Variants in SLC24A2 observed in about 807,000 individuals in gnomAD.
SLC24A2 encodes sodium/potassium/calcium exchanger 2.
A neutral mutation model predicts 62.0 loss-of-function variants in SLC24A2; 36 were observed. That is an observed-to-expected ratio of 0.58 (90% CI 0.44 to 0.77). SLC24A2 has a LOEUF of 0.77. Ranked by LOEUF, SLC24A2 falls within the 30% of genes least tolerant of loss-of-function variation. The probability of loss-of-function intolerance (pLI) is 0.00; values close to 1 mark genes in which losing one functional copy is unlikely to be tolerated. For missense variants in SLC24A2, 846 were observed against 817.9 expected, an observed-to-expected ratio of 1.03 and a Z score of -0.42; for synonymous variants, 358 against 294.0, an observed-to-expected ratio of 1.22 and a Z score of -2.23.
At chr9:19,717,308 G>C (rs1294976221) in intron 2 of SLC24A2, among the ~76,000 whole-genome samples, 1 of 152,206 alleles carries the variant, frequency 6.6e-6, no homozygotes, top group Non-Finnish European at 1.5e-5. Flanking sequence ...ATCACAAAGA[G>C]AGATACACTA....
intron 2 of SLC24A2, among the ~76,000 whole-genome samples, chr9:19,714,329 A>G (rs1277982402): frequency 6.6e-6 from 1 of 152,236 alleles, no homozygotes; most frequent in African/African-American, 2.4e-5. Context: ...GCACTCGCAG[A>G]ACCATAAAGG....
intron 2 of SLC24A2, among the ~76,000 whole-genome samples, chr9:19,690,600 C>T (rs1300088735): frequency 2.0e-5 from 3 of 152,168 alleles, no homozygotes; most frequent in Admixed American, 1.3e-4. Flanking sequence ...AGAAGACACA[C>T]AGAAAGAGGT....
At chr9:19,987,962 A>G in the SLC24A2 span, among the ~76,000 whole-genome samples, 1 of 152,212 alleles carries the variant, frequency 6.6e-6, no homozygotes, top group African/African-American at 2.4e-5. Flanking sequence ...AGAAATGTCA[A>G]TTGCATTGAA....
At chr9:20,236,270 G>A in the SLC24A2 span, among the ~76,000 whole-genome samples, 1 of 152,208 alleles carries the variant, frequency 6.6e-6, no homozygotes, top group South Asian at 2.1e-4. Flanking sequence ...ATGGCACCCT[G>A]ACAGGTAAGC....
chr9:20,223,583 TA>T, the SLC24A2 span, among the ~76,000 whole-genome samples: 1 of 152,280 alleles, frequency 6.6e-6, no homozygotes, highest in Admixed American at 6.5e-5. Flanking sequence ...TAATTTATCA[TA>T]AAGCTTAGCA....
At chr9:20,249,161 T>A in the SLC24A2 span, among the ~76,000 whole-genome samples, 1 of 152,194 alleles carries the variant, frequency 6.6e-6, no homozygotes, top group Admixed American at 6.5e-5. Flanking sequence ...GATAAAAACA[T>A]GGATGATAAA....
At chr9:19,842,796 T>C in the SLC24A2 span, among the ~76,000 whole-genome samples, 2 of 152,224 alleles carry the variant, frequency 1.3e-5, no homozygotes, top group Non-Finnish European at 2.9e-5. Context: ...AGTCCCCCTC[T>C]AAAATTTCTG....
chr9:19,527,944 C>A (rs1026124264), intron 9 of SLC24A2, 105 bp downstream of exon 9: 1 of 753,992 alleles, frequency 1.3e-6, no homozygotes, highest in Non-Finnish European at 2.3e-6. Flanking sequence ...TGTGTCACAC[C>A]CAATACTGTT....
chr9:20,181,580 G>A, the SLC24A2 span, among the ~76,000 whole-genome samples: 57,410 of 152,082 alleles, frequency 0.38, 12,039 homozygotes, highest in Non-Finnish European at 0.48. Flanking sequence ...ATTGGCTACC[G>A]TGTGTAGAAA....
intron 9 of SLC24A2, among the ~76,000 whole-genome samples, chr9:19,527,455 TACTC>T (rs1833492451): frequency 6.6e-6 from 1 of 152,258 alleles, no homozygotes; most frequent in Non-Finnish European, 1.5e-5. Context: ...GTGTAGGACA[TACTC>T]AATTATCAAT....
intron 2 of SLC24A2, among the ~76,000 whole-genome samples, chr9:19,742,564 A>AT (rs906582303): frequency 3.3e-5 from 5 of 151,802 alleles, no homozygotes; most frequent in African/African-American, 4.8e-5. Flanking sequence ...CTGTTCTTAA[A>AT]TTTTTTTTTA....
chr9:19,812,602 C>G, the SLC24A2 span, among the ~76,000 whole-genome samples: 2 of 152,134 alleles, frequency 1.3e-5, no homozygotes, highest in South Asian at 4.2e-4. Context: ...ATTTAAAAAT[C>G]TTTGATAACT....
chr9:19,759,609 T>A (rs1356107396), intron 2 of SLC24A2, among the ~76,000 whole-genome samples: 2 of 152,250 alleles, frequency 1.3e-5, no homozygotes, highest in Admixed American at 1.3e-4. Flanking sequence ...TTAATTGCTG[T>A]ATCTCTTTAA....
chr9:19,884,938 G>T, the SLC24A2 span, among the ~76,000 whole-genome samples: 1 of 152,128 alleles, frequency 6.6e-6, no homozygotes, highest in Non-Finnish European at 1.5e-5. Flanking sequence ...GATTTATTGG[G>T]ATAAAACCAC....
chr9:19,774,327 G>C (rs1822780067), intron 2 of SLC24A2, among the ~76,000 whole-genome samples: 1 of 152,172 alleles, frequency 6.6e-6, no homozygotes, highest in Non-Finnish European at 1.5e-5. Flanking sequence ...CACAAGCCCA[G>C]AGAGGTTAAG....
chr9:19,636,315 T>TTTTCTTTTCTTTTCC, intron 2 of SLC24A2, among the ~76,000 whole-genome samples: 598 of 40,300 alleles, frequency 0.015, 53 homozygotes, highest in Middle Eastern at 0.029. Flanking sequence ...TTTTCTTTTC[T>TTTTCTTTTCTTTTCC]TTTCTTTCTT....
chr9:20,279,223 T>A, the SLC24A2 span, among the ~76,000 whole-genome samples: 8 of 152,184 alleles, frequency 5.3e-5, no homozygotes, highest in Non-Finnish European at 1.0e-4. Flanking sequence ...CCAAATCATA[T>A]AAGCATATAT....
the SLC24A2 span, among the ~76,000 whole-genome samples, chr9:20,029,853 T>A: frequency 6.6e-6 from 1 of 152,018 alleles, no homozygotes; most frequent in Admixed American, 6.6e-5. Context: ...TGTATGCATG[T>A]ATGTGTGTGT....
the SLC24A2 span, among the ~76,000 whole-genome samples, chr9:20,206,594 A>G: frequency 6.6e-6 from 1 of 151,944 alleles, no homozygotes; most frequent in Non-Finnish European, 1.5e-5. Context: ...GGTTCAAGTG[A>G]TTTTCCTGCC....
Sources: gnomAD v4.1 joint callset for allele counts (sites outside exome capture counted in the v4.1 genomes callset) on GRCh38, gnomAD v4.1.1 for gene constraint, MANE v1.5 for transcripts, NCBI Gene and HGNC (gene_info 2026-07-23, HGNC 2026-07-21) for gene names.